The following TMEM181 variants were observed in gnomAD, a reference collection of about 807,000 sequenced individuals.
The protein encoded by TMEM181 is G protein-coupled receptor 178.
A neutral mutation model predicts 71.9 loss-of-function variants in TMEM181; 39 were observed. That is an observed-to-expected ratio of 0.54 (90% CI 0.42 to 0.71). The LOEUF (loss-of-function observed/expected upper bound fraction) is 0.71, where lower values mean the gene tolerates loss of function less well. TMEM181 is among the 30% of genes least tolerant of loss of function. The pLI, the probability that TMEM181 is intolerant of heterozygous loss-of-function variation, is 0.00. For missense variants in TMEM181, 595 were observed against 583.0 expected, an observed-to-expected ratio of 1.02 and a Z score of -0.21; for synonymous variants, 245 against 228.8, an observed-to-expected ratio of 1.07 and a Z score of -0.64.
At chr6:158,581,104 G>A (rs780646507) in intron 3 of TMEM181, 109 bp downstream of exon 3, 121 of 1,018,432 alleles carry the variant, frequency 1.2e-4, no homozygotes, top group Non-Finnish European at 1.5e-4. Flanking sequence ...CTTGCCTTGC[G>A]GCTTCTCAGG....
chr6:158,592,779 A>G (rs150668713), intron 6 of TMEM181, among the ~76,000 whole-genome samples: 9 of 152,256 alleles, frequency 5.9e-5, no homozygotes, highest in East Asian at 1.9e-4. Context: ...TTAGCCATGC[A>G]TGGTGGTGCA....
intron 10 of TMEM181, 90 bp from the exon 11 acceptor site, chr6:158,623,460 T>A: frequency 1.1e-6 from 1 of 887,014 alleles, no homozygotes; most frequent in Non-Finnish European, 1.7e-6. Flanking sequence ...TATTAATAAG[T>A]AAAAAAAACA....
intron 6 of TMEM181, among the ~76,000 whole-genome samples, chr6:158,600,253 C>G (rs1412078627): frequency 1.3e-5 from 2 of 152,052 alleles, no homozygotes; most frequent in East Asian, 1.9e-4. Flanking sequence ...GCAACCGCTG[C>G]CTCCTGGGTT....
intron 6 of TMEM181, among the ~76,000 whole-genome samples, chr6:158,595,314 C>T (rs1036742): frequency 6.6e-6 from 1 of 151,744 alleles, no homozygotes; most frequent in Non-Finnish European, 1.5e-5. Context: ...AATAGATAGA[C>T]GCTAATGGTA....
Position 158,633,695 on chromosome 6 carries a change from T to C in TMEM181, c.*1807T>C, listed in dbSNP as rs1458265848. 6.6e-6 allele frequency: 1 copy of C among 152,236 alleles called. No individual in the cohort carries two copies. Among genetic ancestry groups the C allele is most frequent in the Admixed American group, 6.5e-5 (1 of 15,280 alleles). 9.4% of individuals were successfully genotyped at this position (152,236 alleles called of 1,614,324 possible). On this transcript the variant is annotated 3_prime_UTR_variant, in exon 17 of 17. Transcript: ENST00000684151. ...AACTTTAATGATAATGTACTTTTAATATGGATTCTATTCACATTTGTTTTA... is the reference window on the plus strand; with the variant it reads ...AACTTTAATGATAATGTACTTTTAACATGGATTCTATTCACATTTGTTTTA...
upstream of TMEM181, among the ~76,000 whole-genome samples, chr6:158,556,431 T>C (rs1435530654): frequency 6.6e-6 from 1 of 152,188 alleles, no homozygotes; most frequent in Admixed American, 6.5e-5. Flanking sequence ...TATCCAGGAA[T>C]AGGGCATTGC....
intron 10 of TMEM181, among the ~76,000 whole-genome samples, chr6:158,617,313 T>TG (rs1785672743): frequency 6.6e-6 from 1 of 152,232 alleles, no homozygotes; most frequent in African/African-American, 2.4e-5. Context: ...TGTATTTCTG[T>TG]GGGTTCGGTG....
At chr6:158,580,795 T>G in intron 2 of TMEM181, 145 bp from the exon 3 acceptor site, 1 of 633,594 alleles carries the variant, frequency 1.6e-6, no homozygotes, top group Non-Finnish European at 2.8e-6. Flanking sequence ...ATCTTCTACT[T>G]ACACATTGTA....
At chr6:158,604,173 C>T (rs1562302027) in intron 6 of TMEM181, among the ~76,000 whole-genome samples, 1 of 152,204 alleles carries the variant, frequency 6.6e-6, no homozygotes, top group Non-Finnish European at 1.5e-5. Flanking sequence ...TTCGGGCCAG[C>T]CCTGTCTCCC....
intron 1 of TMEM181, among the ~76,000 whole-genome samples, chr6:158,563,015 G>T (rs1282434177): frequency 6.6e-6 from 1 of 152,236 alleles, no homozygotes; most frequent in Non-Finnish European, 1.5e-5. Context: ...GCTGTACTCT[G>T]CTCCTCTCAA....
intron 1 of TMEM181, chr6:158,572,520 T>G (rs1782919384): frequency 2.2e-6 from 1 of 455,922 alleles, no homozygotes; most frequent in South Asian, 1.6e-5. Flanking sequence ...CACACCCCTT[T>G]TGTCGATGGT....
At chr6:158,586,156 T>TG (rs574833247) in intron 5 of TMEM181, among the ~76,000 whole-genome samples, 492 of 152,298 alleles carry the variant, frequency 3.2e-3, no homozygotes, top group African/African-American at 0.011. Context: ...ATAGGAAACC[T>TG]GGGTCCACAG....
chr6:158,537,748 C>T (rs1040454145), intron 1 of TMEM181, among the ~76,000 whole-genome samples: 1 of 152,190 alleles, frequency 6.6e-6, no homozygotes, highest in African/African-American at 2.4e-5. Flanking sequence ...ATGATTTACT[C>T]ACTCTGTGCT....
intron 1 of TMEM181, among the ~76,000 whole-genome samples, chr6:158,566,716 G>T (rs1258786246): frequency 6.6e-6 from 1 of 151,282 alleles, no homozygotes; most frequent in Non-Finnish European, 1.5e-5. Context: ...AGGTGATGGG[G>T]TGAGGGAAGT....
Position 158,623,682 on chromosome 6 carries a change from A to T in TMEM181, c.954+75A>T, listed in dbSNP as rs1329436067. 3 of 1,119,324 alleles carry T rather than the reference A, an allele frequency of 2.7e-6. No individual in the cohort carries two copies. In the East Asian group the frequency reaches 7.4e-5, roughly 28 times the overall value. The allele number at this position is 1,119,324 out of a possible 1,614,324, so 69.3% of individuals were successfully genotyped here. The stretch of plus-strand genomic sequence containing the variant: ...TAAAATTACTGAATTTTGTGACTTA[A>T]ATTGTTCTGTTGAGCTTTTTGCTAA... On this transcript the variant is annotated intron_variant, in intron 11 of 16. Coordinates refer to ENST00000684151, the MANE Select transcript of TMEM181 (RefSeq NM_001376852.1).
chr6:158,547,794 G>A (rs952861260), intron 1 of TMEM181, among the ~76,000 whole-genome samples: 20 of 145,406 alleles, frequency 1.4e-4, no homozygotes, highest in Admixed American at 1.0e-3. Flanking sequence ...CTTGCCTCCC[G>A]ACCTGACCTC....
intron 14 of TMEM181, among the ~76,000 whole-genome samples, chr6:158,629,244 A>C (rs1786525937): frequency 6.6e-6 from 1 of 152,202 alleles, no homozygotes; most frequent in African/African-American, 2.4e-5. Context: ...CGATTTTTTC[A>C]AAGTTTTGTG....
In TMEM181 at chr6:158,635,304, C is replaced by A. The variant is rs945479854; in HGVS notation, c.*3416C>A. ...TGGACCTGTCCGTGGGGCACAGTGC[C>A]ACCCCATCACAGTGTTGCTGTCATC... On this transcript the variant is annotated 3_prime_UTR_variant, in exon 17 of 17. Coordinates refer to ENST00000684151, the MANE Select transcript of TMEM181 (RefSeq NM_001376852.1). 6.6e-6 allele frequency: 1 copy of A among 152,222 alleles called. No individual in the cohort carries two copies. Among genetic ancestry groups the A allele is most frequent in the Non-Finnish European group, 1.5e-5 (1 of 68,044 alleles). 9.4% of individuals were successfully genotyped at this position (152,222 alleles called of 1,614,324 possible). A position where few individuals can be genotyped will look rare whatever the true frequency, so the allele number is the denominator to read the frequency against.
At chr6:158,583,739 G>A (rs904041455) in intron 3 of TMEM181, among the ~76,000 whole-genome samples, 1 of 152,200 alleles carries the variant, frequency 6.6e-6, no homozygotes, top group Non-Finnish European at 1.5e-5. Flanking sequence ...GGCAGAGCTT[G>A]TAGTGAGCCG....
Sources: gnomAD v4.1 joint callset for allele counts (sites outside exome capture counted in the v4.1 genomes callset) on GRCh38, gnomAD v4.1.1 for gene constraint, MANE v1.5 for transcripts, NCBI Gene and HGNC (gene_info 2026-07-23, HGNC 2026-07-21) for gene names.